ELFN2: variants seen among roughly 807,000 people sequenced by gnomAD.
ELFN2 encodes extracellular leucine rich repeat and fibronectin type III domain containing 2.
ELFN2 carries 17 observed loss-of-function variants against 45.5 expected under a neutral mutation model. That is an observed-to-expected ratio of 0.37 (90% CI 0.26 to 0.56). The LOEUF is 0.56. Among genes scored for constraint, ELFN2 ranks in the 20% least tolerant of loss-of-function variants. ELFN2 has a pLI of 0.77. For synonymous variants in ELFN2, 550 were observed against 551.5 expected (o/e 1.00, Z 0.04); for missense variants, 922 against 1,183.2 (o/e 0.78, Z 3.24).
intron 1 of ELFN2, among the ~76,000 whole-genome samples, chr22:37,346,329 G>A (rs1414438221): frequency 6.6e-6 from 1 of 152,150 alleles, no homozygotes; most frequent in Non-Finnish European, 1.5e-5. Context: ...GGGTGAGGCT[G>A]AAGCAGGTTC....
intron 2 of ELFN2, among the ~76,000 whole-genome samples, chr22:37,414,121 T>C (rs1308738115): frequency 6.6e-6 from 1 of 152,114 alleles, no homozygotes; most frequent in Non-Finnish European, 1.5e-5. Flanking sequence ...ACCTCTACTA[T>C]GTGCCAGGCC....
intron 1 of ELFN2, among the ~76,000 whole-genome samples, chr22:37,359,672 C>T (rs56763000): frequency 0.28 from 42,771 of 152,126 alleles, 6,211 homozygotes; most frequent in South Asian, 0.43. Context: ...CTCTGGAGTT[C>T]GGAGGAGCAC....
intron 1 of ELFN2, among the ~76,000 whole-genome samples, chr22:37,350,613 G>C (rs960266402): frequency 5.3e-5 from 8 of 150,594 alleles, no homozygotes; most frequent in African/African-American, 1.9e-4. Context: ...GTCCCCTGGA[G>C]GCTGAGAGCG....
chr22:37,396,733 T>C (rs1932223034), intron 2 of ELFN2, among the ~76,000 whole-genome samples: 1 of 151,954 alleles, frequency 6.6e-6, no homozygotes, highest in African/African-American at 2.4e-5. Flanking sequence ...TCGTCTGCCC[T>C]CTCCTCCAGG....
chr22:37,348,313 C>T (rs964526442), intron 1 of ELFN2, among the ~76,000 whole-genome samples: 3 of 152,214 alleles, frequency 2.0e-5, no homozygotes, highest in Non-Finnish European at 4.4e-5. Context: ...AGAGCAAGAA[C>T]AGGGCCTCCT....
intron 2 of ELFN2, among the ~76,000 whole-genome samples, chr22:37,379,843 T>C (rs1011428646): frequency 2.0e-5 from 3 of 152,120 alleles, no homozygotes; most frequent in African/African-American, 7.2e-5. Context: ...TTTGTGCCCT[T>C]TCCGCCCGGG....
intron 1 of ELFN2, among the ~76,000 whole-genome samples, chr22:37,349,992 G>A (rs1182942734): frequency 1.3e-5 from 2 of 150,880 alleles, no homozygotes; most frequent in African/African-American, 4.8e-5. Flanking sequence ...AGGCAGTGAG[G>A]AGTGGTGCGC....
chr22:37,397,439 C>T (rs1932244006), intron 2 of ELFN2, among the ~76,000 whole-genome samples: 1 of 152,248 alleles, frequency 6.6e-6, no homozygotes, highest in Admixed American at 6.5e-5. Flanking sequence ...AGCCAGGCCT[C>T]CCAGCTCCTT....
rs1336308295 is a variant in ELFN2 at position 37,374,198 on chromosome 22, T to A, written c.1337A>T (p.Asp446Val). 1 of 1,613,630 alleles carries A rather than the reference T, an allele frequency of 6.2e-7. No individual in the cohort carries two copies. The highest frequency in any genetic ancestry group is 1.1e-5 in the South Asian group (1 of 91,084). ...GTGCACAATGGAGCCGGCATCCACATCAGCCCCGTAGCGCATCTCCAGGAT... is the reference window on the plus strand; with the variant it reads ...GTGCACAATGGAGCCGGCATCCACAACAGCCCCGTAGCGCATCTCCAGGAT... ...KTILEMRYGA[D>V]VDAGSIVHAA... The change falls in exon 3 of 3, where the codon GAT becomes GTT. Residue 446 changes from aspartate to valine, a missense_variant. Physicochemically the swap from Asp to Val is radical, Grantham distance 152. Around this residue, in one of 2 missense-constraint regions of ELFN2, gnomAD observed 564 missense variants for 642.8 expected, o/e 0.88. Transcript: ENST00000402918.
chr22:37,389,355 G>A (rs866676837), intron 2 of ELFN2, among the ~76,000 whole-genome samples: 47 of 151,806 alleles, frequency 3.1e-4, no homozygotes, highest in African/African-American at 8.5e-4. Flanking sequence ...ATGTCCCCTC[G>A]CAACCCTATG....
chr22:37,372,231 C>G lies in ELFN2; in HGVS notation c.*841G>C. 1 of 152,744 alleles carries G rather than the reference C, an allele frequency of 6.5e-6. No homozygotes were observed. 9.5% of individuals were successfully genotyped at this position (152,744 alleles called of 1,614,324 possible). A position where few individuals can be genotyped will look rare whatever the true frequency, so the allele number is the denominator to read the frequency against. On this transcript the variant is annotated 3_prime_UTR_variant, in exon 3 of 3. Coordinates refer to ENST00000402918, the MANE Select transcript of ELFN2 (RefSeq NM_052906.5). This position sits in a 1 kb window ranked among gnomAD's most constrained non-coding sequence, Gnocchi z 4.4. ...ATGTCGCCCTGCCTCGGCTCCTTTC[C>G]CGTCAACAGGACCCTCTCCCTTCTC...
chr22:37,413,603 T>C (rs925704738), intron 2 of ELFN2, among the ~76,000 whole-genome samples: 1 of 149,906 alleles, frequency 6.7e-6, no homozygotes, highest in Middle Eastern at 3.2e-3. Context: ...AGCCCATTAA[T>C]GGCAACACTG....
chr22:37,393,485 AC>A (rs1206568996), intron 2 of ELFN2, among the ~76,000 whole-genome samples: 1 of 151,808 alleles, frequency 6.6e-6, no homozygotes, highest in Non-Finnish European at 1.5e-5. Context: ...GACAACTGAC[AC>A]CCCCCACCAG....
chr22:37,395,289 G>A (rs891980798), intron 2 of ELFN2, among the ~76,000 whole-genome samples: 8 of 152,024 alleles, frequency 5.3e-5, no homozygotes, highest in South Asian at 2.1e-4. Context: ...CAGAAGAAAC[G>A]TCCTAGAAGT....
chr22:37,398,582 C>T (rs7291397), intron 2 of ELFN2, among the ~76,000 whole-genome samples: 11,873 of 151,986 alleles, frequency 0.078, 850 homozygotes, highest in African/African-American at 0.19. Flanking sequence ...GGAAGCCTCC[C>T]GCAGCGCACT....
chr22:37,407,280 T>A (rs1275621101), intron 2 of ELFN2, among the ~76,000 whole-genome samples: 5 of 152,118 alleles, frequency 3.3e-5, no homozygotes. Flanking sequence ...ACAAGCGAGC[T>A]GGAGGGCACG....
At chr22:37,354,296 C>T (rs1437832802) in intron 1 of ELFN2, 1 of 152,198 alleles carries the variant, frequency 6.6e-6, no homozygotes, top group Non-Finnish European at 1.5e-5. Flanking sequence ...ATCAGGAGGC[C>T]ATGCCATGGG....
intron 1 of ELFN2, among the ~76,000 whole-genome samples, chr22:37,356,847 C>A (rs1488056166): frequency 6.6e-6 from 1 of 152,190 alleles, no homozygotes; most frequent in African/African-American, 2.4e-5. Flanking sequence ...ACAATATCAT[C>A]GTCTTTTTAG....
exon 3 of ELFN2, chr22:37,340,806 G>A (rs927006186): frequency 1.3e-5 from 2 of 152,290 alleles, no homozygotes; most frequent in African/African-American, 4.8e-5. Context: ...GGCCTCTGCA[G>A]GCGCGGCAAA....
Sources: allele counts gnomAD v4.1 joint callset (sites outside exome capture counted in the v4.1 genomes callset), GRCh38; gene constraint gnomAD v4.1.1; regional missense constraint gnomAD v4.1.1; non-coding constraint Gnocchi (gnomAD v3.1); transcripts MANE v1.5; gene names NCBI Gene and HGNC (gene_info 2026-07-23, HGNC 2026-07-21).